ELMO1: variants seen among roughly 807,000 people sequenced by gnomAD.
The protein encoded by ELMO1 is engulfment and cell motility protein 1.
In ELMO1, 26 loss-of-function variants were observed where a neutral mutation model predicts 98.9. The ratio of observed to expected loss-of-function variants is 0.26; its 90% CI spans 0.19 to 0.36. ELMO1 has a LOEUF of 0.36. Among genes scored for constraint, ELMO1 ranks in the 10% least tolerant of loss-of-function variants. ELMO1 has a pLI of 1.00. For synonymous variants in ELMO1, 346 were observed against 346.0 expected, an observed-to-expected ratio of 1.00 and a Z score of 0.00; for missense variants, 627 against 935.2, an observed-to-expected ratio of 0.67 and a Z score of 4.30.
intron 16 of ELMO1, among the ~76,000 whole-genome samples, chr7:36,963,166 C>G (rs1337309123): frequency 1.3e-5 from 2 of 151,852 alleles, no homozygotes; most frequent in Non-Finnish European, 2.9e-5. Context: ...GGGCAGATCA[C>G]GAGGTCATCG....
intron 16 of ELMO1, among the ~76,000 whole-genome samples, chr7:36,975,801 C>T (rs1441900251): frequency 3.4e-5 from 5 of 146,824 alleles, no homozygotes; most frequent in South Asian, 2.2e-4. Flanking sequence ...GAGCCGAGAT[C>T]GTACCCCTGC....
At chr7:37,167,016 G>T (rs1269396437) in intron 13 of ELMO1, among the ~76,000 whole-genome samples, 1 of 151,968 alleles carries the variant, frequency 6.6e-6, no homozygotes, top group East Asian at 1.9e-4. Context: ...ATGAATCTGG[G>T]TGCTCCTGTA....
At chr7:37,301,434 T>C (rs1798337542) in intron 4 of ELMO1, among the ~76,000 whole-genome samples, 1 of 152,088 alleles carries the variant, frequency 6.6e-6, no homozygotes, top group Non-Finnish European at 1.5e-5. Context: ...CTTTTAAAGT[T>C]TGTGTTTTGT....
intron 2 of ELMO1, among the ~76,000 whole-genome samples, chr7:37,330,068 T>C (rs1311193531): frequency 6.6e-6 from 1 of 152,224 alleles, no homozygotes; most frequent in Admixed American, 6.5e-5. Flanking sequence ...AAAGTCCACA[T>C]GGCTTCTGAT....
In ELMO1 at chr7:37,233,379, T is replaced by G. The variant is rs1794288786; in HGVS notation, c.450-185A>C. 2.0e-5 allele frequency among the ~76,000 whole-genome samples: 3 copies of G among 150,986 alleles called. No individual in the cohort carries two copies. The South Asian group carries it at 6.2e-4, about 31-fold the overall frequency. ...AAGGGGCAGGACGGCCTTGATGAGG[T>G]TGGGCAGGACGGCCTTGATGAGGTC... On this transcript the variant is annotated intron_variant, in intron 7 of 21. Coordinates refer to ENST00000310758, the MANE Select transcript of ELMO1 (RefSeq NM_014800.11).
At chr7:37,017,077 T>C (rs955466172) in intron 15 of ELMO1, among the ~76,000 whole-genome samples, 1 of 152,222 alleles carries the variant, frequency 6.6e-6, no homozygotes, top group Non-Finnish European at 1.5e-5. Context: ...TTCCTCTGCT[T>C]TCCTCCTACT....
chr7:36,905,582 T>C (rs1030157340), intron 16 of ELMO1, among the ~76,000 whole-genome samples: 1 of 152,226 alleles, frequency 6.6e-6, no homozygotes, highest in Non-Finnish European at 1.5e-5. Flanking sequence ...AGGCATCCCT[T>C]TCAACATTCA....
At chr7:37,266,792 A>T (rs1403434332) in intron 5 of ELMO1, among the ~76,000 whole-genome samples, 1 of 152,052 alleles carries the variant, frequency 6.6e-6, no homozygotes, top group Non-Finnish European at 1.5e-5. Flanking sequence ...GCGAGCAGAT[A>T]ACTTGAGGTC....
At chr7:36,920,200 T>C (rs1584372147) in intron 16 of ELMO1, among the ~76,000 whole-genome samples, 1 of 152,202 alleles carries the variant, frequency 6.6e-6, no homozygotes, top group East Asian at 1.9e-4. Flanking sequence ...CTGAAAAATA[T>C]TTGCTGAATA....
At chr7:37,168,061 C>T (rs1266045093) in intron 13 of ELMO1, among the ~76,000 whole-genome samples, 2 of 151,214 alleles carry the variant, frequency 1.3e-5, no homozygotes, top group East Asian at 1.9e-4. Context: ...TTTCTCTAAA[C>T]TTCCCTTCTC....
intron 14 of ELMO1, among the ~76,000 whole-genome samples, chr7:37,107,140 T>C (rs1446809952): frequency 3.3e-5 from 5 of 152,226 alleles, no homozygotes; most frequent in Admixed American, 6.5e-5. Flanking sequence ...TTGCTAGATA[T>C]TAAAAATACA....
At chr7:37,174,007 T>A (rs1192469891) in intron 13 of ELMO1, among the ~76,000 whole-genome samples, 1 of 152,252 alleles carries the variant, frequency 6.6e-6, no homozygotes, top group Admixed American at 6.5e-5. Context: ...TATCTGAAGA[T>A]CACTGATACT....
rs749169817 is a variant in ELMO1 at position 36,855,544 on chromosome 7, G to A, written c.*7C>T. On this transcript the variant is annotated 3_prime_UTR_variant, in exon 22 of 22. Transcript: ENST00000310758. This position sits in a 1 kb window ranked among gnomAD's most constrained non-coding sequence, Gnocchi z 4.2. ...TTTTGGAAGGGGCATGTCTGGGCCC[G>A]GCCACTTCAGTTACAGTCATAGACG... 1.7e-4 allele frequency: 279 copies of A among 1,613,676 alleles called. 1 individual carries two copies. Among genetic ancestry groups the A allele is most frequent in the East Asian group, 2.7e-4 (12 of 44,892 alleles).
chr7:37,217,319 T>G (rs1793343952), intron 10 of ELMO1, among the ~76,000 whole-genome samples: 2 of 152,168 alleles, frequency 1.3e-5, no homozygotes. Flanking sequence ...CAAGGGTGAT[T>G]TTATTAAAGG....
At chr7:37,061,330 A>G (rs1796655508) in intron 15 of ELMO1, among the ~76,000 whole-genome samples, 1 of 152,218 alleles carries the variant, frequency 6.6e-6, no homozygotes, top group African/African-American at 2.4e-5. Flanking sequence ...AGCACTGGAT[A>G]CAGCCACAAA....
intron 15 of ELMO1, among the ~76,000 whole-genome samples, chr7:37,015,183 T>A (rs182814618): frequency 6.6e-6 from 1 of 151,344 alleles, no homozygotes; most frequent in Admixed American, 6.6e-5. Flanking sequence ...CCTGGAGCAA[T>A]GCACAGTCCT....
chr7:37,244,514 A>G, intron 6 of ELMO1, 123 bp from the exon 7 acceptor site: 1 of 938,336 alleles, frequency 1.1e-6, no homozygotes, highest in Non-Finnish European at 1.6e-6. Context: ...CATGAAGTAA[A>G]AGAATTTTAT....
chr7:37,043,261 A>C (rs887473219), intron 15 of ELMO1, among the ~76,000 whole-genome samples: 6 of 152,202 alleles, frequency 3.9e-5, no homozygotes, highest in Non-Finnish European at 7.3e-5. Context: ...TAAGTCTAAG[A>C]TCATCTGATG....
chr7:37,387,587 G>T (rs116510877), intron 1 of ELMO1, among the ~76,000 whole-genome samples: 1 of 152,076 alleles, frequency 6.6e-6, no homozygotes, highest in Non-Finnish European at 1.5e-5. Context: ...GTTAGTACTC[G>T]AATATACCAT....
Sources: gnomAD v4.1 joint callset for allele counts (sites outside exome capture counted in the v4.1 genomes callset) on GRCh38, gnomAD v4.1.1 for gene constraint, Gnocchi (gnomAD v3.1) non-coding constraint, MANE v1.5 for transcripts, NCBI Gene and HGNC (gene_info 2026-07-23, HGNC 2026-07-21) for gene names.